SOX6: variants seen among roughly 807,000 people sequenced by gnomAD.
SOX6 encodes SRY-box transcription factor 6.
Under a neutral mutation model 97.8 loss-of-function variants are expected in SOX6, and 11 were observed. The ratio of observed to expected loss-of-function variants is 0.11; its 90% CI spans 0.07 to 0.19. The LOEUF (loss-of-function observed/expected upper bound fraction) is 0.19. SOX6 is among the 10% of genes least tolerant of loss of function. The pLI, the probability that SOX6 is intolerant of heterozygous loss-of-function variation, is 1.00. For missense variants in SOX6, 810 were observed against 1,039.5 expected (o/e 0.78, Z 3.04); for synonymous variants, 360 against 371.4 (o/e 0.97, Z 0.35).
chr11:16,129,801 C>A (rs1849695059), intron 6 of SOX6, among the ~76,000 whole-genome samples: 1 of 151,994 alleles, frequency 6.6e-6, no homozygotes, highest in African/African-American at 2.4e-5. Context: ...AGGAAGCTTC[C>A]TCAATCTGAT....
intron 1 of SOX6, among the ~76,000 whole-genome samples, chr11:16,376,944 A>T (rs1284664024): frequency 2.6e-5 from 4 of 151,634 alleles, no homozygotes; most frequent in Admixed American, 1.3e-4. Context: ...AAAAGAAAAT[A>T]AAAAAAAGAA....
At position 16,183,958 on chromosome 11, in the gene SOX6, T is replaced by A. The variant is rs765930983; in HGVS notation, c.709-4A>T. The A allele has an allele frequency of 1.9e-5, 30 of 1,611,860 alleles. No homozygotes were observed. The highest frequency in any genetic ancestry group is 2.4e-5 in the Non-Finnish European group (28 of 1,178,454). On this transcript the variant is annotated splice_polypyrimidine_tract_variant and splice_region_variant and intron_variant, in intron 5 of 15. Coordinates refer to ENST00000683767, the MANE Select transcript of SOX6 (RefSeq NM_001367873.1). ...GTTGCTGCTGTTGTCTCGCAATCTA[T>A]CAGAAATAAAGTTTCATTAAGTTAA...
intron 3 of SOX6, among the ~76,000 whole-genome samples, chr11:16,703,784 T>C (rs758853307): frequency 3.9e-5 from 6 of 152,182 alleles, no homozygotes; most frequent in Non-Finnish European, 8.8e-5. Context: ...CAGAAGAATT[T>C]GTATTTCTCT....
At chr11:16,150,568 T>C (rs956190135) in intron 6 of SOX6, among the ~76,000 whole-genome samples, 5 of 152,288 alleles carry the variant, frequency 3.3e-5, no homozygotes, top group African/African-American at 1.2e-4. Flanking sequence ...GCAAGGAGTC[T>C]AGAACTAGTT....
In SOX6 at chr11:15,968,739, T is replaced by C. The variant is rs759216093; in HGVS notation, c.*4070A>G. The stretch of plus-strand genomic sequence containing the variant: ...GGAGGCCAGAATTCGACAAGCTCAA[T>C]AGCACTGTGAGCCCACACCTGAATT... On this transcript the variant is annotated 3_prime_UTR_variant, in exon 16 of 16. Coordinates refer to ENST00000683767, the MANE Select transcript of SOX6 (RefSeq NM_001367873.1). 1.3e-5 allele frequency: 2 copies of C among 152,298 alleles called. No homozygotes were observed. The highest frequency in any genetic ancestry group is 4.8e-5 in the African/African-American group (2 of 41,440). The allele number at this position is 152,298 out of a possible 1,614,324, so 9.4% of individuals were successfully genotyped here.
chr11:16,208,615 C>A (rs1452028281), intron 4 of SOX6, among the ~76,000 whole-genome samples: 1 of 152,138 alleles, frequency 6.6e-6, no homozygotes. Flanking sequence ...ACAAAGTGAG[C>A]TTTTCACTTG....
chr11:16,341,386 CT>C (rs1297921791), intron 1 of SOX6, 134 bp from the exon 2 acceptor site: 4 of 1,286,962 alleles, frequency 3.1e-6, no homozygotes, highest in Admixed American at 5.5e-5. Context: ...CTCTAAACCC[CT>C]GAAAAAGAAC....
intron 2 of SOX6, among the ~76,000 whole-genome samples, chr11:16,326,216 T>C (rs976157131): frequency 6.6e-6 from 1 of 152,142 alleles, no homozygotes; most frequent in African/African-American, 2.4e-5. Flanking sequence ...GATATCAAAT[T>C]AATAGTCTTT....
Position 16,384,929 on chromosome 11 carries a change from T to C in SOX6, c.-4-43677A>G, listed in dbSNP as rs534107461. Among the ~76,000 whole-genome samples, 134 of 152,178 alleles carry C rather than the reference T, an allele frequency of 8.8e-4. 1 individual carries two copies. Among genetic ancestry groups the C allele is most frequent in the Middle Eastern group, 6.8e-3 (2 of 294 alleles). ...TGCCAGAGAGCTATACAGCAGATCCTAGAGGACTTTTTCATCTGGAAAAAG... is the reference window on the plus strand; with the variant it reads ...TGCCAGAGAGCTATACAGCAGATCCCAGAGGACTTTTTCATCTGGAAAAAG... On this transcript the variant is annotated intron_variant, in intron 1 of 15. Coordinates refer to the SOX6 transcript ENST00000396356.
At chr11:16,335,032 A>T (rs550949691) in intron 2 of SOX6, among the ~76,000 whole-genome samples, 2 of 152,194 alleles carry the variant, frequency 1.3e-5, no homozygotes, top group Admixed American at 6.5e-5. Context: ...TGTCTATTTC[A>T]CTACCCACAG....
chr11:16,017,583 G>C (rs1272896338), intron 12 of SOX6, among the ~76,000 whole-genome samples: 3 of 151,928 alleles, frequency 2.0e-5, no homozygotes, highest in Non-Finnish European at 2.9e-5. Flanking sequence ...AAGATAAGAG[G>C]GCCTGATGTC....
intron 6 of SOX6, among the ~76,000 whole-genome samples, chr11:16,117,049 C>G (rs1201439817): frequency 6.6e-6 from 1 of 152,128 alleles, no homozygotes; most frequent in Non-Finnish European, 1.5e-5. Context: ...GGAATTGTGT[C>G]TTTAAAACAA....
In SOX6 at chr11:16,111,858, T is replaced by C. The variant is rs1322092481; in HGVS notation, c.843A>G (p.Ala281=). 1.2e-6 allele frequency: 2 copies of C among 1,612,834 alleles called. No individual in the cohort carries two copies. Among genetic ancestry groups the C allele is most frequent in the Non-Finnish European group, 1.7e-6 (2 of 1,179,968 alleles). ...IFPHDQRTLA[A]AAAAQQGFLF... ...GGAATCCCTGTTGGGCAGCAGCAGC[T>C]GCTGCCAGAGTCCGCTGGTCATGTG... Residue 281 remains alanine, a synonymous_variant, in exon 7 of 16, where the codon GCA becomes GCG. Transcript: ENST00000683767.
chr11:16,284,555 G>T (rs180746586), intron 3 of SOX6, among the ~76,000 whole-genome samples: 1,633 of 151,910 alleles, frequency 0.011, 26 homozygotes, highest in Non-Finnish European at 0.013. Context: ...TTTATTGATC[G>T]CCTTTTATGT....
intron 1 of SOX6, among the ~76,000 whole-genome samples, chr11:16,370,974 C>A (rs1857480985): frequency 6.6e-6 from 1 of 151,968 alleles, no homozygotes; most frequent in African/African-American, 2.4e-5. Context: ...CCAGAAACAA[C>A]CAAAATGATC....
chr11:16,029,960 A>T (rs77326861), intron 12 of SOX6, among the ~76,000 whole-genome samples: 1 of 152,236 alleles, frequency 6.6e-6, no homozygotes, highest in Non-Finnish European at 1.5e-5. Context: ...CTGATTAAAT[A>T]AAACTCATAT....
At chr11:16,354,364 A>G (rs1163701281) in intron 1 of SOX6, among the ~76,000 whole-genome samples, 1 of 152,058 alleles carries the variant, frequency 6.6e-6, no homozygotes, top group African/African-American at 2.4e-5. Flanking sequence ...GAATTTTTAC[A>G]CATCACAATA....
intron 4 of SOX6, among the ~76,000 whole-genome samples, chr11:16,564,422 A>T (rs1847846275): frequency 6.6e-6 from 1 of 152,292 alleles, no homozygotes; most frequent in Non-Finnish European, 1.5e-5. Flanking sequence ...ATAGAACTGG[A>T]CAGACAGAAA....
intron 1 of SOX6, among the ~76,000 whole-genome samples, chr11:16,471,210 C>CA (rs1860136276): frequency 6.6e-6 from 1 of 151,174 alleles, no homozygotes; most frequent in Admixed American, 6.6e-5. Context: ...CAAAATAAGG[C>CA]AATCTTCCAC....
Sources: allele counts gnomAD v4.1 joint callset (sites outside exome capture counted in the v4.1 genomes callset), GRCh38; gene constraint gnomAD v4.1.1; transcripts MANE v1.5; gene names NCBI Gene and HGNC (gene_info 2026-07-23, HGNC 2026-07-21).